The following SLC35F3 variants were observed in gnomAD, a reference collection of about 807,000 sequenced individuals.
SLC35F3 encodes putative thiamine transporter SLC35F3.
A neutral mutation model predicts 49.9 loss-of-function variants in SLC35F3; 25 were observed. That is an observed-to-expected ratio of 0.50 (90% CI 0.37 to 0.70). SLC35F3 has a LOEUF of 0.70. Ranked by LOEUF, SLC35F3 falls within the 30% of genes least tolerant of loss-of-function variation. The pLI, the probability that SLC35F3 is intolerant of heterozygous loss-of-function variation, is 0.00. For synonymous variants in SLC35F3, 275 were observed against 265.4 expected, an observed-to-expected ratio of 1.04 and a Z score of -0.35; for missense variants, 525 against 639.8, an observed-to-expected ratio of 0.82 and a Z score of 1.94.
chr1:234,157,494 A>T (rs201240448), intron 2 of SLC35F3, among the ~76,000 whole-genome samples: 9 of 140,854 alleles, frequency 6.4e-5, no homozygotes, highest in Middle Eastern at 3.5e-3. Context: ...ATTAATAATT[A>T]AAAAAAAGAA....
At chr1:234,235,778 A>G (rs1667457988) in intron 3 of SLC35F3, among the ~76,000 whole-genome samples, 1 of 152,246 alleles carries the variant, frequency 6.6e-6, no homozygotes, top group African/African-American at 2.4e-5. Flanking sequence ...GAGCAACAGT[A>G]GAGCCAAGAA....
At chr1:234,319,212 A>C (rs1657559080) in intron 6 of SLC35F3, among the ~76,000 whole-genome samples, 1 of 152,210 alleles carries the variant, frequency 6.6e-6, no homozygotes, top group Admixed American at 6.5e-5. Flanking sequence ...TTACCTACTA[A>C]GCACAGTACA....
At chr1:234,035,339 G>T (rs1257978677) in intron 2 of SLC35F3, among the ~76,000 whole-genome samples, 1 of 152,008 alleles carries the variant, frequency 6.6e-6, no homozygotes, top group Non-Finnish European at 1.5e-5. Flanking sequence ...ATCCAAAATT[G>T]TTATTGAGAA....
At chr1:234,206,014 A>C (rs1227706481) in intron 2 of SLC35F3, among the ~76,000 whole-genome samples, 7 of 152,060 alleles carry the variant, frequency 4.6e-5, no homozygotes, top group African/African-American at 1.7e-4. Context: ...GATGGTGTGG[A>C]GAGGGAGGAC....
rs374795816 is a variant in SLC35F3 at position 233,999,211 on chromosome 1, C to T, written c.283+93453C>T. On this transcript the variant is annotated intron_variant, in intron 2 of 7. Transcript: ENST00000366618. ...AGCTGAGGTCATCCCACGTTTTTTC[C>T]ACCGCGTCCCAATTACCCACTGACT... Among the ~76,000 whole-genome samples, 7 of 152,220 alleles carry T rather than the reference C, an allele frequency of 4.6e-5. No homozygotes were observed. In the South Asian group the frequency reaches 1.2e-3, roughly 27 times the overall value.
chr1:234,276,851 T>C (rs1161767481), intron 3 of SLC35F3, among the ~76,000 whole-genome samples: 1 of 152,220 alleles, frequency 6.6e-6, no homozygotes, highest in Non-Finnish European at 1.5e-5. Flanking sequence ...CTTATTTGGA[T>C]GTTAATGGAA....
At chr1:234,081,936 T>TTTTTTTTTA in intron 2 of SLC35F3, among the ~76,000 whole-genome samples, 1 of 131,796 alleles carries the variant, frequency 7.6e-6, no homozygotes. Context: ...TTTTTTTTTT[T>TTTTTTTTTA]AGTAGAGACA....
chr1:234,251,322 A>C (rs1436145990), intron 3 of SLC35F3, among the ~76,000 whole-genome samples: 1 of 152,146 alleles, frequency 6.6e-6, no homozygotes, highest in Non-Finnish European at 1.5e-5. Flanking sequence ...TTATGAAAGG[A>C]AAGTGCATGG....
rs777353110 is a variant in SLC35F3, at chr1:234,112,556, C to CTTTTTTT, written c.284-118850_284-118844dup. ...TTTTGTGAAGTTTATAATTCACACT[C>CTTTTTTT]TTTTTTTTTTTTTTTTTGAGACAGA... On this transcript the variant is annotated intron_variant, in intron 2 of 7. Coordinates refer to ENST00000366618, the MANE Select transcript of SLC35F3 (RefSeq NM_173508.4). 4.1e-4 allele frequency among the ~76,000 whole-genome samples: 48 copies of CTTTTTTT among 116,358 alleles called. 2 individuals carry two copies. The highest frequency in any genetic ancestry group is 1.3e-3 in the South Asian group (4 of 2,982). 76.3% of individuals were successfully genotyped at this position (116,358 alleles called of 152,430 possible).
intron 2 of SLC35F3, among the ~76,000 whole-genome samples, chr1:233,955,694 A>G (rs1181976405): frequency 1.3e-5 from 2 of 151,438 alleles, no homozygotes; most frequent in Non-Finnish European, 2.9e-5. Context: ...GATCGTTCAC[A>G]CTGATACTCA....
intron 3 of SLC35F3, among the ~76,000 whole-genome samples, chr1:234,237,166 A>G (rs1286277193): frequency 1.3e-5 from 2 of 151,748 alleles, no homozygotes; most frequent in African/African-American, 4.8e-5. Context: ...AGCTGCTTTC[A>G]AAAGTAGGAT....
chr1:234,018,318 C>A (rs1270875680), intron 2 of SLC35F3, among the ~76,000 whole-genome samples: 3 of 152,130 alleles, frequency 2.0e-5, no homozygotes, highest in African/African-American at 7.2e-5. Flanking sequence ...AGAAGAAAGG[C>A]AATGATGGGC....
intron 2 of SLC35F3, among the ~76,000 whole-genome samples, chr1:234,007,548 G>A (rs561461717): frequency 6.4e-4 from 98 of 152,306 alleles, no homozygotes; most frequent in African/African-American, 2.1e-3. Context: ...TATGCCGAAC[G>A]AAGTGGGGAG....
chr1:234,306,314 C>A (rs988723887), intron 3 of SLC35F3, among the ~76,000 whole-genome samples: 1 of 152,130 alleles, frequency 6.6e-6, no homozygotes, highest in African/African-American at 2.4e-5. Context: ...GTGCTCACCA[C>A]CATGCCTGAC....
chr1:233,989,712 T>G (rs532896427), intron 2 of SLC35F3, among the ~76,000 whole-genome samples: 1 of 152,290 alleles, frequency 6.6e-6, no homozygotes, highest in African/African-American at 2.4e-5. Context: ...AGAAACAAAT[T>G]TTGTAACCAG....
intron 3 of SLC35F3, among the ~76,000 whole-genome samples, chr1:234,288,167 G>A (rs954658187): frequency 6.6e-6 from 1 of 152,182 alleles, no homozygotes; most frequent in Non-Finnish European, 1.5e-5. Context: ...GATTACAGGT[G>A]TAAACCACCA....
chr1:234,161,619 A>C (rs1446659981), intron 2 of SLC35F3, among the ~76,000 whole-genome samples: 1 of 152,026 alleles, frequency 6.6e-6, no homozygotes, highest in African/African-American at 2.4e-5. Flanking sequence ...AGTTGCTAGC[A>C]GCTGGAAAAT....
At chr1:234,058,712 A>G (rs921206109) in intron 2 of SLC35F3, among the ~76,000 whole-genome samples, 1 of 152,168 alleles carries the variant, frequency 6.6e-6, no homozygotes, top group Admixed American at 6.5e-5. Context: ...GTATCATTCT[A>G]TAGTTTTCTT....
At chr1:234,075,710 A>G (rs1307652989) in intron 2 of SLC35F3, among the ~76,000 whole-genome samples, 1 of 152,168 alleles carries the variant, frequency 6.6e-6, no homozygotes, top group African/African-American at 2.4e-5. Context: ...ACCCCAATTC[A>G]CTGCCAAAAG....
Sources: gnomAD v4.1 joint callset for allele counts (sites outside exome capture counted in the v4.1 genomes callset) on GRCh38, gnomAD v4.1.1 for gene constraint, MANE v1.5 for transcripts, NCBI Gene and HGNC (gene_info 2026-07-23, HGNC 2026-07-21) for gene names.